The following PPP1R13B variants were observed in gnomAD, a reference collection of about 807,000 sequenced individuals.
PPP1R13B encodes protein phosphatase 1 regulatory subunit 13B.
Under a neutral mutation model 119.8 loss-of-function variants are expected in PPP1R13B, and 44 were observed. The ratio of observed to expected loss-of-function variants is 0.37; its 90% CI spans 0.29 to 0.47. The LOEUF (loss-of-function observed/expected upper bound fraction) is 0.47, where lower values mean the gene tolerates loss of function less well. Ranked by LOEUF, PPP1R13B falls within the 20% of genes least tolerant of loss-of-function variation. The pLI is 0.99. For synonymous variants in PPP1R13B, 542 were observed against 561.5 expected, an observed-to-expected ratio of 0.97 and a Z score of 0.49; for missense variants, 1,227 against 1,413.5, an observed-to-expected ratio of 0.87 and a Z score of 2.12.
chr14:103,819,229 T>C (rs2086347868), intron 1 of PPP1R13B, among the ~76,000 whole-genome samples: 1 of 152,168 alleles, frequency 6.6e-6, no homozygotes, highest in Admixed American at 6.5e-5. Context: ...AGAAGGATAT[T>C]AGCAGCCCTT....
chr14:103,778,110 C>G (rs538907734), intron 4 of PPP1R13B, among the ~76,000 whole-genome samples: 1 of 151,456 alleles, frequency 6.6e-6, no homozygotes, highest in African/African-American at 2.4e-5. Flanking sequence ...CACCACCACG[C>G]CCAGCTAATT....
chr14:103,796,178 G>A (rs1169880730), intron 2 of PPP1R13B, among the ~76,000 whole-genome samples: 1 of 152,106 alleles, frequency 6.6e-6, no homozygotes, highest in Non-Finnish European at 1.5e-5. Context: ...AGCTACACGA[G>A]AGGCTGAGGT....
rs557638692 is a variant in PPP1R13B, at chr14:103,777,062, G to C, written c.354+1683C>G. Among the ~76,000 whole-genome samples, 26 of 151,518 alleles carry C rather than the reference G, an allele frequency of 1.7e-4. 1 individual carries two copies. The South Asian group carries it at 5.5e-3, about 32-fold the overall frequency. On this transcript the variant is annotated intron_variant, in intron 4 of 16. Coordinates refer to ENST00000202556, the MANE Select transcript of PPP1R13B (RefSeq NM_015316.3). The stretch of plus-strand genomic sequence containing the variant: ...GGCTGGAGTGCAGTGGCACGATCTC[G>C]GCTCATTGCAACCTCTGCCTCCTGG...
intron 2 of PPP1R13B, among the ~76,000 whole-genome samples, chr14:103,791,092 A>G (rs1212442992): frequency 6.6e-6 from 1 of 151,096 alleles, no homozygotes; most frequent in African/African-American, 2.4e-5. Flanking sequence ...TCATAGAAAT[A>G]TAATGCACAT....
intron 3 of PPP1R13B, among the ~76,000 whole-genome samples, chr14:103,780,238 C>A (rs761217654): frequency 4.0e-5 from 6 of 151,884 alleles, no homozygotes; most frequent in Non-Finnish European, 8.8e-5. Flanking sequence ...GCAATCCCTG[C>A]AGTTTCAGAG....
chr14:103,809,884 T>C (rs1489450488), intron 1 of PPP1R13B, among the ~76,000 whole-genome samples: 1 of 151,320 alleles, frequency 6.6e-6, no homozygotes, highest in Non-Finnish European at 1.5e-5. Context: ...TGGAGTGCAG[T>C]GGCACGATCT....
chr14:103,739,281 TTC>T, intron 12 of PPP1R13B: 1 of 473,770 alleles, frequency 2.1e-6, no homozygotes, highest in Admixed American at 3.5e-5. Context: ...GTGTTTGAGC[TTC>T]TGGCCACTCC....
In PPP1R13B at chr14:103,770,405, C is replaced by T. The variant is rs140855698; in HGVS notation, c.354+8340G>A. On this transcript the variant is annotated intron_variant, in intron 4 of 16. Transcript: ENST00000202556. ...TGGCGCATGCCTGTAGTCCCAGCTACGTGGGAGGCTGAGGCAGGAGAATTA... is the reference window on the plus strand; with the variant it reads ...TGGCGCATGCCTGTAGTCCCAGCTATGTGGGAGGCTGAGGCAGGAGAATTA... 9.0e-4 allele frequency among the ~76,000 whole-genome samples: 136 copies of T among 151,940 alleles called. 3 individuals are homozygous for T. The East Asian group carries it at 0.02, about 23-fold the overall frequency.
At chr14:103,810,279 C>G (rs746874601) in intron 1 of PPP1R13B, among the ~76,000 whole-genome samples, 1 of 151,552 alleles carries the variant, frequency 6.6e-6, no homozygotes, top group Non-Finnish European at 1.5e-5. Flanking sequence ...AAAATTAGCC[C>G]GACGTGGTGG....
At chr14:103,755,978 A>T (rs886883153) in intron 5 of PPP1R13B, among the ~76,000 whole-genome samples, 3 of 152,362 alleles carry the variant, frequency 2.0e-5, no homozygotes, top group East Asian at 1.9e-4. Context: ...AATAAATTTT[A>T]AAAAATCAGA....
At chr14:103,834,323 C>T (rs2086725798) in intron 1 of PPP1R13B, among the ~76,000 whole-genome samples, 1 of 152,110 alleles carries the variant, frequency 6.6e-6, no homozygotes. Flanking sequence ...TTGCAGTGAG[C>T]CAAGATCATG....
chr14:103,824,690 G>A (rs1309809523), intron 1 of PPP1R13B, among the ~76,000 whole-genome samples: 2 of 146,940 alleles, frequency 1.4e-5, no homozygotes, highest in African/African-American at 2.6e-5. Flanking sequence ...GCGAGACTCC[G>A]CCTCAAAAAA....
At chr14:103,827,938 A>G (rs533213803) in intron 1 of PPP1R13B, among the ~76,000 whole-genome samples, 2 of 152,212 alleles carry the variant, frequency 1.3e-5, no homozygotes, top group African/African-American at 4.8e-5. Flanking sequence ...AGGACAAGAA[A>G]CCAATTGGAC....
intron 1 of PPP1R13B, 85 bp downstream of exon 1, chr14:103,847,214 G>A (rs1364747839): frequency 5.3e-5 from 56 of 1,049,618 alleles, no homozygotes; most frequent in Non-Finnish European, 6.4e-5. Flanking sequence ...ACCGGCCCGC[G>A]GGGGCTGGGA....
chr14:103,761,274 TAAAAAAAAA>T (rs59281762), intron 4 of PPP1R13B, among the ~76,000 whole-genome samples: 4,358 of 104,804 alleles, frequency 0.042, 199 homozygotes, highest in African/African-American at 0.14. Flanking sequence ...ACCCTATATT[TAAAAAAAAA>T]AAAAAAAAAA....
chr14:103,837,531 T>C (rs2086805478), intron 1 of PPP1R13B, among the ~76,000 whole-genome samples: 1 of 151,878 alleles, frequency 6.6e-6, no homozygotes, highest in South Asian at 2.1e-4. Flanking sequence ...TTCCTCTCTC[T>C]CTCTCACACA....
chr14:103,846,657 G>A (rs1000066512), intron 1 of PPP1R13B: 2 of 445,230 alleles, frequency 4.5e-6, no homozygotes, highest in Admixed American at 2.4e-5. Flanking sequence ...CAAATCTAAT[G>A]GCCAATGTCT....
rs781256003 is a variant in PPP1R13B, at chr14:103,740,213, C to A, written c.2203G>T (p.Gly735Cys). The A allele has an allele frequency of 3.7e-6, 6 of 1,613,682 alleles. 2 individuals are homozygous for A. The South Asian group carries it at 5.5e-5, about 15-fold the overall frequency. Reference sequence around the variant, plus strand: ...TAGAAAGGGGTGCCCTCCATGCCACCGGCCAGGGTGTTGAAGCGCTGGTAC... The same window carrying A: ...TAGAAAGGGGTGCCCTCCATGCCACAGGCCAGGGTGTTGAAGCGCTGGTAC... ...LLYQRFNTLA[G>C]GMEGTPFYQP... The change falls in exon 12 of 17, where the codon GGT becomes TGT. Residue 735 changes from glycine to cysteine, a missense_variant. Physicochemically the swap from Gly to Cys is radical, Grantham distance 159. Coordinates refer to ENST00000202556, the MANE Select transcript of PPP1R13B (RefSeq NM_015316.3). This position sits in a 1 kb window ranked among gnomAD's most constrained non-coding sequence, Gnocchi z 4.6.
At chr14:103,791,091 T>TATA (rs1372183049) in intron 2 of PPP1R13B, among the ~76,000 whole-genome samples, 1 of 151,312 alleles carries the variant, frequency 6.6e-6, no homozygotes, top group Non-Finnish European at 1.5e-5. Flanking sequence ...TTCATAGAAA[T>TATA]ATAATGCACA....
Sources: allele counts gnomAD v4.1 joint callset (sites outside exome capture counted in the v4.1 genomes callset), GRCh38; gene constraint gnomAD v4.1.1; non-coding constraint Gnocchi (gnomAD v3.1); transcripts MANE v1.5; gene names NCBI Gene and HGNC (gene_info 2026-07-23, HGNC 2026-07-21).